Variants in INPP4A observed in about 807,000 individuals in gnomAD.
INPP4A encodes inositol polyphosphate-4-phosphatase type I A.
Under a neutral mutation model 119.8 loss-of-function variants are expected in INPP4A, and 33 were observed. The ratio of observed to expected loss-of-function variants is 0.28; its 90% CI spans 0.21 to 0.37. The LOEUF (loss-of-function observed/expected upper bound fraction) is 0.37. INPP4A is among the 10% of genes least tolerant of loss of function. The pLI, the probability that INPP4A is intolerant of heterozygous loss-of-function variation, is 1.00. For synonymous variants in INPP4A, 496 were observed against 500.7 expected (o/e 0.99, Z 0.12); for missense variants, 956 against 1,289.9 (o/e 0.74, Z 3.97).
At chr2:98,479,482 C>T (rs1677958565) in intron 1 of INPP4A, among the ~76,000 whole-genome samples, 1 of 152,184 alleles carries the variant, frequency 6.6e-6, no homozygotes, top group Non-Finnish European at 1.5e-5. Flanking sequence ...AAGCAGCTTG[C>T]TCCAGCCATG....
Position 98,592,575 on chromosome 2 carries a change from A to T in INPP4A, c.*4967A>T, listed in dbSNP as rs1212164823. ...AGTATTTGAAATCAGGAAGACAGAA[A>T]AAAAAGCAAAATAGCATCCTTTTCT... On this transcript the variant is annotated 3_prime_UTR_variant, in exon 25 of 25. Coordinates refer to ENST00000409851, the MANE Select transcript of INPP4A (RefSeq NM_001134225.2). 2.6e-5 allele frequency: 4 copies of T among 152,274 alleles called. No homozygotes were observed. Among genetic ancestry groups the T allele is most frequent in the African/African-American group, 9.6e-5 (4 of 41,470 alleles). 9.4% of individuals were successfully genotyped at this position (152,274 alleles called of 1,614,324 possible).
chr2:98,532,105 C>T (rs1040315882), intron 4 of INPP4A, among the ~76,000 whole-genome samples: 1 of 152,196 alleles, frequency 6.6e-6, no homozygotes, highest in African/African-American at 2.4e-5. Flanking sequence ...TGGAGATAGC[C>T]AGTAACTTAC....
At chr2:98,563,793 C>G (rs896230082) in intron 18 of INPP4A, among the ~76,000 whole-genome samples, 156 bp downstream of exon 18, 1 of 152,178 alleles carries the variant, frequency 6.6e-6, no homozygotes, top group Non-Finnish European at 1.5e-5. Context: ...ATAGAGAGGT[C>G]TACATTTCAA....
chr2:98,527,686 T>C (rs1688431218), intron 4 of INPP4A, among the ~76,000 whole-genome samples: 1 of 152,158 alleles, frequency 6.6e-6, no homozygotes, highest in South Asian at 2.1e-4. Flanking sequence ...TCCTGAACAT[T>C]GAAAATGCAC....
chr2:98,516,538 T>C (rs1574864484), intron 1 of INPP4A, among the ~76,000 whole-genome samples: 1 of 152,042 alleles, frequency 6.6e-6, no homozygotes, highest in East Asian at 1.9e-4. Context: ...GATGTTGGGG[T>C]ACAGATGTGT....
In INPP4A at chr2:98,536,286, T is replaced by C; in HGVS notation, c.467+78T>C. On this transcript the variant is annotated intron_variant, in intron 7 of 24. Transcript: ENST00000409851. ...GACAGATGGGGAAAGGACCCACTTC[T>C]TATACTGAGAGAGCACCCTTCCCTT... 3.5e-6 allele frequency: 3 copies of C among 864,974 alleles called. 1 individual carries two copies. The highest frequency in any genetic ancestry group is 2.9e-5 in the South Asian group (2 of 69,528). The allele number at this position is 864,974 out of a possible 1,614,324, so 53.6% of individuals were successfully genotyped here. A position where few individuals can be genotyped will look rare whatever the true frequency, so the allele number is the denominator to read the frequency against.
At chr2:98,457,602 A>G (rs900230171) in intron 1 of INPP4A, among the ~76,000 whole-genome samples, 8 of 152,236 alleles carry the variant, frequency 5.3e-5, no homozygotes, top group Non-Finnish European at 1.2e-4. Flanking sequence ...AACTTAATTG[A>G]CTACTGTAAT....
intron 10 of INPP4A, among the ~76,000 whole-genome samples, chr2:98,541,313 C>T (rs1004802422): frequency 1.1e-4 from 16 of 148,016 alleles, no homozygotes; most frequent in Admixed American, 8.1e-4. Context: ...GGTGACAGAG[C>T]GAGACTCCGT....
At chr2:98,536,579 T>C (rs935038097) in intron 7 of INPP4A, among the ~76,000 whole-genome samples, 1 of 152,138 alleles carries the variant, frequency 6.6e-6, no homozygotes, top group Non-Finnish European at 1.5e-5. Context: ...CTAGAATGTG[T>C]CTGGTGCTCA....
At position 98,587,579 on chromosome 2, in the gene INPP4A, G is replaced by C. The variant is rs529481819; in HGVS notation, c.2890G>C (p.Glu964Gln). The C allele has an allele frequency of 6.2e-7, 1 of 1,600,760 alleles. No individual in the cohort carries two copies. The highest frequency in any genetic ancestry group is 1.8e-5 in the Admixed American group (1 of 56,276). ...KAFPKHYRPPEGTYGKVET is the reference protein window; with the variant it reads ...KAFPKHYRPPQGTYGKVET ...TTTCCCCAAGCATTACAGGCCTCCC[G>C]AAGGGACTTACGGAAAAGTTGAAAC... Residue 964 changes from glutamate (E) to glutamine (Q), a missense_variant, in exon 25 of 25, where the codon GAA (glutamate) becomes CAA (glutamine). Coordinates refer to ENST00000409851, the MANE Select transcript of INPP4A (RefSeq NM_001134225.2).
chr2:98,515,855 G>GC, intron 1 of INPP4A, among the ~76,000 whole-genome samples: 2 of 152,168 alleles, frequency 1.3e-5, no homozygotes, highest in South Asian at 4.1e-4. Flanking sequence ...CCCTTTCCCT[G>GC]CCCCCCATGG....
At chr2:98,470,035 G>T (rs572443107) in intron 1 of INPP4A, among the ~76,000 whole-genome samples, 5 of 152,322 alleles carry the variant, frequency 3.3e-5, no homozygotes, top group African/African-American at 1.2e-4. Flanking sequence ...ATGTGAAAGG[G>T]CCAACGCACG....
At chr2:98,469,943 T>G (rs1675644805) in intron 1 of INPP4A, among the ~76,000 whole-genome samples, 1 of 152,184 alleles carries the variant, frequency 6.6e-6, no homozygotes, top group East Asian at 1.9e-4. Flanking sequence ...GCTGTGAAGG[T>G]GAACTGTGAT....
At chr2:98,462,117 G>T (rs1673682099) in intron 1 of INPP4A, among the ~76,000 whole-genome samples, 1 of 152,220 alleles carries the variant, frequency 6.6e-6, no homozygotes, top group Non-Finnish European at 1.5e-5. Context: ...GGCAGTTAAT[G>T]GTTAGATACT....
intron 8 of INPP4A, 114 bp from the exon 9 acceptor site, chr2:98,538,777 G>A (rs1458061956): frequency 6.0e-6 from 4 of 664,828 alleles, no homozygotes; most frequent in South Asian, 1.8e-5. Flanking sequence ...AGTTCATGGT[G>A]GATATTCATC....
intron 4 of INPP4A, among the ~76,000 whole-genome samples, chr2:98,530,827 G>A (rs1425344842): frequency 6.6e-6 from 1 of 152,210 alleles, no homozygotes; most frequent in Non-Finnish European, 1.5e-5. Context: ...TTGACTATAT[G>A]TCTTAGTTAA....
intron 18 of INPP4A, among the ~76,000 whole-genome samples, chr2:98,563,953 T>C (rs996658057): frequency 6.6e-6 from 1 of 151,612 alleles, no homozygotes. Flanking sequence ...TTTTTTTTTT[T>C]TACTGCACAG....
intron 23 of INPP4A, 95 bp downstream of exon 23, chr2:98,573,022 A>T: frequency 3.6e-5 from 33 of 918,260 alleles, no homozygotes; most frequent in Non-Finnish European, 5.1e-5. Flanking sequence ...GCAGGAGAGC[A>T]GAGCTCTCCA....
intron 19 of INPP4A, among the ~76,000 whole-genome samples, chr2:98,565,244 A>G (rs1231340060): frequency 2.0e-5 from 3 of 152,242 alleles, no homozygotes; most frequent in African/African-American, 7.2e-5. Flanking sequence ...AATTGAGGAC[A>G]TCGAATAGAT....
Sources: allele counts gnomAD v4.1 joint callset (sites outside exome capture counted in the v4.1 genomes callset), GRCh38; gene constraint gnomAD v4.1.1; transcripts MANE v1.5; gene names NCBI Gene and HGNC (gene_info 2026-07-23, HGNC 2026-07-21).